ODR4: variants seen among roughly 807,000 people sequenced by gnomAD.
The protein encoded by ODR4 is protein odr-4 homolog.
A neutral mutation model predicts 60.2 loss-of-function variants in ODR4; 47 were observed. The ratio of observed to expected loss-of-function variants is 0.78; its 90% CI spans 0.62 to 1.00. The LOEUF is 1.00. Ranked by LOEUF, ODR4 falls within the 50% of genes least tolerant of loss-of-function variation. ODR4 has a pLI of 0.00. For missense variants in ODR4, 488 were observed against 530.8 expected (o/e 0.92, Z 0.79); for synonymous variants, 178 against 175.5 (o/e 1.01, Z -0.11).
chr1:186,376,814 T>G (rs1455201324), intron 1 of ODR4, among the ~76,000 whole-genome samples: 1 of 152,194 alleles, frequency 6.6e-6, no homozygotes, highest in Non-Finnish European at 1.5e-5. Context: ...TGTACTTAGA[T>G]TCACAGAATC....
At chr1:186,417,413 G>A (rs1661614201) in intron 12 of ODR4, 131 bp from the exon 13 acceptor site, 3 of 647,252 alleles carry the variant, frequency 4.6e-6, no homozygotes, top group Non-Finnish European at 8.3e-6. Context: ...AACAAATTCA[G>A]TATGTTATAT....
At chr1:186,401,361 T>C (rs531259404) in intron 11 of ODR4, 49 of 497,412 alleles carry the variant, frequency 9.9e-5, no homozygotes, top group Non-Finnish European at 1.7e-4. Context: ...GCATAGACTG[T>C]AGTTTGGTGG....
intron 12 of ODR4, among the ~76,000 whole-genome samples, chr1:186,408,164 G>A (rs1487647659): frequency 6.6e-6 from 1 of 152,026 alleles, no homozygotes; most frequent in African/African-American, 2.4e-5. Flanking sequence ...GAGAATTAAG[G>A]CTCAGAAAGG....
chr1:186,409,413 A>G (rs1661290895), intron 12 of ODR4, among the ~76,000 whole-genome samples: 1 of 152,238 alleles, frequency 6.6e-6, no homozygotes, highest in Non-Finnish European at 1.5e-5. Context: ...CACTTTACTA[A>G]GAGCTTAGCC....
rs116272106 is a variant in ODR4 at position 186,385,784 on chromosome 1, C to T, written c.235-204C>T. ...TTTTATTTAGCTGATGGTGGGACGC[C>T]ATTGAAAAAATATTTCAGTCTTTGA... On this transcript the variant is annotated intron_variant, in intron 3 of 13. Transcript: ENST00000287859. Among the ~76,000 whole-genome samples, 1,036 of 151,992 alleles carry T rather than the reference C, an allele frequency of 6.8e-3. 18 individuals carry two copies. Among genetic ancestry groups the T allele is most frequent in the African/African-American group, 0.024 (999 of 41,464 alleles).
intron 8 of ODR4, among the ~76,000 whole-genome samples, chr1:186,393,252 A>G (rs922733420): frequency 1.3e-5 from 2 of 152,188 alleles, no homozygotes; most frequent in Non-Finnish European, 2.9e-5. Context: ...TGTGTAACAA[A>G]TCTGCACATG....
chr1:186,409,751 G>A (rs1661302076), intron 12 of ODR4, among the ~76,000 whole-genome samples: 1 of 152,060 alleles, frequency 6.6e-6, no homozygotes, highest in Non-Finnish European at 1.5e-5. Flanking sequence ...TCAGCATGTT[G>A]GTCAGGCTGT....
chr1:186,403,585 TTTATATA>T (rs1168343867), intron 11 of ODR4, among the ~76,000 whole-genome samples: 3 of 152,086 alleles, frequency 2.0e-5, no homozygotes, highest in African/African-American at 7.2e-5. Context: ...ACATAATAAC[TTTATATA>T]TCTGATCTCT....
intron 4 of ODR4, among the ~76,000 whole-genome samples, chr1:186,387,598 A>G (rs1157701886): frequency 6.6e-6 from 1 of 152,242 alleles, no homozygotes; most frequent in African/African-American, 2.4e-5. Flanking sequence ...AAACAGCCTT[A>G]TAAAACTTGT....
At chr1:186,383,277 G>A in intron 3 of ODR4, 121 bp downstream of exon 3, 1 of 1,112,560 alleles carries the variant, frequency 9.0e-7, no homozygotes, top group Non-Finnish European at 1.2e-6. Flanking sequence ...AGATGACTGA[G>A]ATTTTTAGTC....
chr1:186,381,452 C>A (rs1319046506), intron 2 of ODR4, among the ~76,000 whole-genome samples: 2 of 152,148 alleles, frequency 1.3e-5, no homozygotes, highest in East Asian at 3.9e-4. Flanking sequence ...CTCAGCCTCC[C>A]GAGTAGCTGG....
intron 8 of ODR4, among the ~76,000 whole-genome samples, chr1:186,392,789 G>A (rs1165715016): frequency 6.6e-6 from 1 of 152,152 alleles, no homozygotes. Context: ...GATCACTTGA[G>A]GTCAGGAGTT....
the ODR4 span, among the ~76,000 whole-genome samples, chr1:186,431,669 T>C: frequency 3.9e-5 from 6 of 152,196 alleles, no homozygotes; most frequent in Non-Finnish European, 7.3e-5. Context: ...AGGGATAGTG[T>C]CACTAATGAT....
At position 186,389,636 on chromosome 1, in the gene ODR4, A is replaced by G. The variant is rs571151763; in HGVS notation, c.474+12A>G. 1.3e-5 allele frequency: 20 copies of G among 1,482,844 alleles called. No individual in the cohort carries two copies. Among genetic ancestry groups the G allele is most frequent in the Non-Finnish European group, 1.7e-5 (19 of 1,095,146 alleles). 91.9% of individuals were successfully genotyped at this position (1,482,844 alleles called of 1,614,324 possible). Reference sequence around the variant, plus strand: ...TCCATGATCCAAAGGTAAGAAATTTACTCTTTAAAGATTTTTCTGTGTCAC... The same window carrying G: ...TCCATGATCCAAAGGTAAGAAATTTGCTCTTTAAAGATTTTTCTGTGTCAC... On this transcript the variant is annotated intron_variant, in intron 6 of 13. Coordinates refer to ENST00000287859, the MANE Select transcript of ODR4 (RefSeq NM_017847.6).
At chr1:186,423,751 G>A (rs746152538), downstream of ODR4, among the ~76,000 whole-genome samples, 5 of 151,822 alleles carry the variant, frequency 3.3e-5, no homozygotes, top group Admixed American at 6.6e-5. Context: ...CACTGCACCC[G>A]GCCACCACTT....
At chr1:186,389,814 G>T (rs929346605) in intron 6 of ODR4, among the ~76,000 whole-genome samples, 190 bp downstream of exon 6, 1 of 152,160 alleles carries the variant, frequency 6.6e-6, no homozygotes, top group African/African-American at 2.4e-5. Flanking sequence ...GCGTGACAGG[G>T]TCTCACTCTC....
intron 4 of ODR4, among the ~76,000 whole-genome samples, chr1:186,387,392 C>G (rs1166637295): frequency 6.6e-6 from 1 of 152,080 alleles, no homozygotes; most frequent in African/African-American, 2.4e-5. Flanking sequence ...ATTGTGCAAC[C>G]TTTTTTGGCT....
chr1:186,434,544 T>C, the ODR4 span, among the ~76,000 whole-genome samples: 1 of 152,166 alleles, frequency 6.6e-6, no homozygotes, highest in African/African-American at 2.4e-5. Flanking sequence ...TTAAAAGTCC[T>C]TTCCATTTCC....
chr1:186,387,988 T>C (rs1251719510), intron 4 of ODR4, among the ~76,000 whole-genome samples: 1 of 152,240 alleles, frequency 6.6e-6, no homozygotes, highest in Admixed American at 6.5e-5. Flanking sequence ...TTGATTTCTT[T>C]AGTTAAAATC....
Sources: allele counts gnomAD v4.1 joint callset (sites outside exome capture counted in the v4.1 genomes callset), GRCh38; gene constraint gnomAD v4.1.1; transcripts MANE v1.5; gene names NCBI Gene and HGNC (gene_info 2026-07-23, HGNC 2026-07-21).